MYL5: variants seen among roughly 807,000 people sequenced by gnomAD.
MYL5 encodes the protein myosin regulatory light chain 5.
In MYL5, 28 loss-of-function variants were observed where a neutral mutation model predicts 20.8. The ratio of observed to expected loss-of-function variants is 1.35; its 90% CI spans 1.00 to 1.84. The LOEUF is 1.84. MYL5 is among the 40% of genes most tolerant of loss of function. MYL5 has a pLI of 0.00. For missense variants in MYL5, 274 were observed against 227.3 expected (o/e 1.21, Z -1.32); for synonymous variants, 118 against 87.4 (o/e 1.35, Z -1.95).
At chr4:675,639 G>C (rs1031543592), upstream of MYL5, 2 of 152,530 alleles carry the variant, frequency 1.3e-5, no homozygotes, top group African/African-American at 4.8e-5. Flanking sequence ...TCCTGAGCTG[G>C]GTATACCAAG....
chr4:678,051 C>G, intron 1 of MYL5, 22 bp downstream of exon 3: 1 of 1,613,000 alleles, frequency 6.2e-7, no homozygotes, highest in Non-Finnish European at 8.5e-7. Context: ...GCCGTGCATG[C>G]CTGGGGCAGG....
At chr4:681,815 A>C in intron 6 of MYL5, 78 bp from the exon 9 acceptor site, 1 of 1,251,530 alleles carries the variant, frequency 8.0e-7, no homozygotes, top group Non-Finnish European at 1.0e-6. Context: ...CGCAGAAACC[A>C]CACCCGGGGC....
intron 3 of MYL5, 122 bp downstream of exon 5, chr4:679,155 A>C: frequency 4.6e-5 from 43 of 927,002 alleles, no homozygotes; most frequent in East Asian, 8.0e-5. Flanking sequence ...AGGCCCACCA[A>C]CGGCCCTGAA....
chr4:678,806 A>G (rs1378847846), intron 2 of MYL5, 41 bp downstream of exon 4: 1 of 1,608,710 alleles, frequency 6.2e-7, no homozygotes, highest in African/African-American at 1.3e-5. Flanking sequence ...CACCCCCAGG[A>G]GCCTGTGCTG....
chr4:679,306 G>C, intron 3 of MYL5: 1 of 381,942 alleles, frequency 2.6e-6, no homozygotes, highest in Non-Finnish European at 4.3e-6. Flanking sequence ...GGGAGGGGCT[G>C]ACTCTCTGGT....
At position 678,027 on chromosome 4, in the gene MYL5, ATGG is replaced by A; in HGVS notation, c.3+1_3+3del. 1 of 1,613,460 alleles carries A rather than the reference ATGG, an allele frequency of 6.2e-7. No homozygotes were observed. The highest frequency in any genetic ancestry group is 8.5e-7 in the Non-Finnish European group (1 of 1,179,972). ...CGCATCAAAGCAGGCAGAAGCAGGC[ATGG>A]TGAGCAGGCCGCCGTGCATGCCTGG... On this transcript the variant is annotated splice_donor_variant and coding_sequence_variant, in exon 1 of 7. Coordinates refer to ENST00000400159, the Ensembl canonical transcript of MYL5. LOFTEE classifies it high-confidence loss of function.
upstream of MYL5, among the ~76,000 whole-genome samples, chr4:677,624 C>T (rs937412564): frequency 6.6e-6 from 1 of 152,220 alleles, no homozygotes; most frequent in African/African-American, 2.4e-5. Context: ...CCCACAGCAG[C>T]GTTGTGCAAA....
At chr4:678,462 A>G in intron 1 of MYL5, 196 bp from the exon 4 acceptor site, 1 of 1,430,580 alleles carries the variant, frequency 7.0e-7, no homozygotes, top group Non-Finnish European at 9.1e-7. Context: ...TGCTGAAGCC[A>G]GACACCTGCA....
chr4:680,956 C>A, intron 5 of MYL5, 136 bp from the exon 8 acceptor site: 1 of 1,011,150 alleles, frequency 9.9e-7, no homozygotes, highest in Non-Finnish European at 1.5e-6. Flanking sequence ...GGACCTGCCC[C>A]AGGGCCACAC....
chr4:680,997 G>C (rs1465686419), intron 5 of MYL5, 95 bp from the exon 8 acceptor site: 5 of 1,371,924 alleles, frequency 3.6e-6, no homozygotes, highest in African/African-American at 1.4e-5. Context: ...TGCAGTGAGC[G>C]AGTACAACCT....
Position 678,453 on chromosome 4 carries a change from G to A in MYL5, c.4-205G>A, listed in dbSNP as rs1739078617. Reference sequence around the variant, plus strand: ...CCACTGTCCCTCCCCCAGTCCCTGTGCTGAAGCCAGACACCTGCAGCCGTC... The same window carrying A: ...CCACTGTCCCTCCCCCAGTCCCTGTACTGAAGCCAGACACCTGCAGCCGTC... On this transcript the variant is annotated intron_variant, in intron 1 of 6. Coordinates refer to ENST00000400159, the Ensembl canonical transcript of MYL5. 5 of 1,429,346 alleles carry A rather than the reference G, an allele frequency of 3.5e-6. No individual in the cohort carries two copies. The African/African-American group carries it at 5.8e-5, about 16-fold the overall frequency. 88.5% of individuals were successfully genotyped at this position (1,429,346 alleles called of 1,614,324 possible).
At chr4:679,696 C>T (rs1169497319) in intron 3 of MYL5, among the ~76,000 whole-genome samples, 1 of 152,218 alleles carries the variant, frequency 6.6e-6, no homozygotes. Flanking sequence ...TGTCACCTCC[C>T]TCTCCCTCAG....
intron 6 of MYL5, among the ~76,000 whole-genome samples, chr4:681,424 C>A (rs928600718): frequency 6.6e-6 from 1 of 151,908 alleles, no homozygotes; most frequent in Non-Finnish European, 1.5e-5. Context: ...CACAGCTGTG[C>A]GGTCCGGAGC....
rs75817957 is a variant in MYL5 at position 680,584 on chromosome 4, A to G, written c.368A>G (p.Glu123Gly). ...GACGGGAAAGGGAAAATCAACAAGG[A>G]GTAGTGAGTGCCCGGGCGGCCAGGG... Residue 123 changes from glutamate (E) to glycine (G), a missense_variant, in exon 5 of 7, where the codon GAG (glutamate) becomes GGG (glycine). Physicochemically the swap from Glu to Gly is moderately conservative, Grantham distance 98. Coordinates refer to ENST00000400159, the Ensembl canonical transcript of MYL5. 1,235 of 1,612,710 alleles carry G rather than the reference A, an allele frequency of 7.7e-4. 2 individuals are homozygous for G. Among genetic ancestry groups the G allele is most frequent in the Non-Finnish European group, 9.7e-4 (1,146 of 1,179,876 alleles).
intron 6 of MYL5, 53 bp downstream of exon 8, chr4:681,193 G>C: frequency 6.4e-7 from 1 of 1,565,160 alleles, no homozygotes; most frequent in Admixed American, 1.9e-5. Flanking sequence ...GGGGCTCCCG[G>C]GGTCAGCTGG....
rs771326710 is a variant in MYL5, at chr4:679,902, T to C, written c.188-12T>C. Reference sequence around the variant, plus strand: ...CAAGCCCTGCCCTGTGATGCCCCCATGTCTGTAACAGGCAAGACCAACGTC... The same window carrying C: ...CAAGCCCTGCCCTGTGATGCCCCCACGTCTGTAACAGGCAAGACCAACGTC... On this transcript the variant is annotated splice_polypyrimidine_tract_variant and intron_variant, in intron 3 of 6. Transcript: ENST00000400159. 2 of 1,610,192 alleles carry C rather than the reference T, an allele frequency of 1.2e-6. No homozygotes were observed. The highest frequency in any genetic ancestry group is 1.7e-5 in the Admixed American group (1 of 59,906).
At chr4:675,662 G>A (rs1244976054), upstream of MYL5, 2 of 152,410 alleles carry the variant, frequency 1.3e-5, no homozygotes, top group African/African-American at 4.8e-5. Context: ...CAGTCCTATA[G>A]GGCAGGGGTC....
At chr4:676,938 C>G (rs1438499615), upstream of MYL5, 1 of 985,248 alleles carries the variant, frequency 1.0e-6, no homozygotes, top group Non-Finnish European at 1.2e-6. Context: ...GGCAGCATCT[C>G]AGGGGACGCC....
chr4:677,764 G>A (rs764949937), upstream of MYL5, among the ~76,000 whole-genome samples: 125 of 152,170 alleles, frequency 8.2e-4, no homozygotes, highest in Non-Finnish European at 1.5e-3. Context: ...CGGGGTTCGG[G>A]GACAGGTGGA....
Sources: allele counts gnomAD v4.1 joint callset (sites outside exome capture counted in the v4.1 genomes callset), GRCh38; gene constraint gnomAD v4.1.1; transcripts MANE v1.5; gene names NCBI Gene and HGNC (gene_info 2026-07-23, HGNC 2026-07-21).